Variants in PRKG1 observed in about 807,000 individuals in gnomAD.
PRKG1 encodes cGMP-dependent protein kinase 1.
PRKG1 carries 35 observed loss-of-function variants against 88.1 expected under a neutral mutation model. That is an observed-to-expected ratio of 0.40 (90% CI 0.30 to 0.53). The LOEUF (loss-of-function observed/expected upper bound fraction) is 0.53. Among genes scored for constraint, PRKG1 ranks in the 20% least tolerant of loss-of-function variants. The pLI is 0.59. For synonymous variants in PRKG1, 303 were observed against 292.5 expected, an observed-to-expected ratio of 1.04 and a Z score of -0.37; for missense variants, 540 against 839.8, an observed-to-expected ratio of 0.64 and a Z score of 4.41.
At chr10:51,222,238 C>T (rs990873435) in intron 2 of PRKG1, among the ~76,000 whole-genome samples, 3 of 150,374 alleles carry the variant, frequency 2.0e-5, no homozygotes, top group African/African-American at 7.3e-5. Context: ...AAGAGAGGAA[C>T]TGTTCCTCCC....
At chr10:51,733,907 TA>T (rs1370919449) in intron 3 of PRKG1, among the ~76,000 whole-genome samples, 2 of 152,224 alleles carry the variant, frequency 1.3e-5, no homozygotes, top group Admixed American at 6.5e-5. Context: ...TACCTGAAGT[TA>T]AAAAATATAA....
At chr10:51,346,507 C>A (rs1842117121) in intron 2 of PRKG1, among the ~76,000 whole-genome samples, 1 of 152,036 alleles carries the variant, frequency 6.6e-6, no homozygotes, top group Non-Finnish European at 1.5e-5. Context: ...TGAGGAAATG[C>A]AGCAATGTAA....
chr10:52,095,318 AC>A (rs147578111), intron 7 of PRKG1, among the ~76,000 whole-genome samples: 4,043 of 152,150 alleles, frequency 0.027, 163 homozygotes, highest in African/African-American at 0.093. Flanking sequence ...CTACTCTGAC[AC>A]CTTATTTAAT....
chr10:51,597,409 T>C (rs913827365), intron 3 of PRKG1, among the ~76,000 whole-genome samples: 5 of 152,204 alleles, frequency 3.3e-5, no homozygotes, highest in Admixed American at 1.3e-4. Context: ...CAATAACCCA[T>C]TTATTTAAGA....
At chr10:51,878,934 G>A (rs775324257) in intron 4 of PRKG1, among the ~76,000 whole-genome samples, 3 of 152,106 alleles carry the variant, frequency 2.0e-5, no homozygotes, top group Non-Finnish European at 2.9e-5. Context: ...TCTGCAAATG[G>A]AACTGGCATG....
At chr10:51,514,237 G>C (rs1368449011) in intron 3 of PRKG1, among the ~76,000 whole-genome samples, 1 of 151,654 alleles carries the variant, frequency 6.6e-6, no homozygotes, top group Non-Finnish European at 1.5e-5. Flanking sequence ...AAATAAACTA[G>C]AAAATCTAGA....
chr10:51,379,347 G>A (rs1351786400), intron 2 of PRKG1, among the ~76,000 whole-genome samples: 3 of 152,214 alleles, frequency 2.0e-5, no homozygotes, highest in African/African-American at 7.2e-5. Context: ...ACTTTTAGAT[G>A]TATTATGTAA....
intron 1 of PRKG1, among the ~76,000 whole-genome samples, chr10:51,100,979 G>A (rs1406763914): frequency 6.6e-6 from 1 of 152,110 alleles, no homozygotes; most frequent in Non-Finnish European, 1.5e-5. Flanking sequence ...GAACCAACAT[G>A]AGGATGAAGA....
intron 1 of PRKG1, among the ~76,000 whole-genome samples, chr10:51,067,264 AT>A (rs1843763093): frequency 1.2e-5 from 1 of 80,060 alleles, no homozygotes; most frequent in Admixed American, 1.2e-4. Context: ...GTTTGTATGT[AT>A]GTGTGTATAT....
At chr10:51,991,954 A>G (rs777643543) in intron 5 of PRKG1, among the ~76,000 whole-genome samples, 1 of 152,198 alleles carries the variant, frequency 6.6e-6, no homozygotes, top group Non-Finnish European at 1.5e-5. Context: ...TCAAAATACT[A>G]TTTATGCAAT....
chr10:52,244,208 A>G (rs1433940387), intron 9 of PRKG1, among the ~76,000 whole-genome samples: 1 of 152,028 alleles, frequency 6.6e-6, no homozygotes, highest in African/African-American at 2.4e-5. Context: ...GTTTAAAGAG[A>G]TTTTTTAAAA....
intron 10 of PRKG1, among the ~76,000 whole-genome samples, chr10:52,264,187 C>CAG (rs5784916): frequency 1 from 151,910 of 152,206 alleles, 75,807 homozygotes; most frequent in Middle Eastern, 1. Context: ...TTTCTGGCAA[C>CAG]GGGAATATTG....
chr10:51,970,717 TATATATCAG>T (rs1843689959), intron 5 of PRKG1, among the ~76,000 whole-genome samples: 1 of 126,084 alleles, frequency 7.9e-6, no homozygotes, highest in Admixed American at 7.3e-5. Context: ...ATCTGATATA[TATATATCAG>T]ATATATCAGA....
At chr10:51,837,476 T>A (rs1324713885) in intron 4 of PRKG1, among the ~76,000 whole-genome samples, 1 of 152,170 alleles carries the variant, frequency 6.6e-6, no homozygotes, top group Non-Finnish European at 1.5e-5. Flanking sequence ...TTTAAATTCC[T>A]GCCATAAACC....
chr10:52,269,015 C>T (rs1342471163), intron 10 of PRKG1, among the ~76,000 whole-genome samples: 3 of 151,662 alleles, frequency 2.0e-5, no homozygotes, highest in Admixed American at 6.6e-5. Context: ...AAGTCCAGAC[C>T]TGTGACTATA....
At chr10:52,058,251 G>T (rs924406744) in intron 6 of PRKG1, among the ~76,000 whole-genome samples, 1 of 151,974 alleles carries the variant, frequency 6.6e-6, no homozygotes, top group Non-Finnish European at 1.5e-5. Context: ...TAGCCACATT[G>T]CAATAGCTGC....
At chr10:51,555,312 A>G (rs1267075366) in intron 3 of PRKG1, among the ~76,000 whole-genome samples, 1 of 151,996 alleles carries the variant, frequency 6.6e-6, no homozygotes, top group Non-Finnish European at 1.5e-5. Flanking sequence ...CCTATTTTTA[A>G]AACATTTTTT....
At chr10:51,925,733 C>T (rs1842560327) in intron 5 of PRKG1, among the ~76,000 whole-genome samples, 1 of 152,138 alleles carries the variant, frequency 6.6e-6, no homozygotes, top group South Asian at 2.1e-4. Flanking sequence ...AGGGATAAAA[C>T]TGATGGAAGT....
chr10:51,394,973 C>T (rs1008813108), intron 2 of PRKG1, among the ~76,000 whole-genome samples: 2 of 152,032 alleles, frequency 1.3e-5, no homozygotes, highest in African/African-American at 4.8e-5. Flanking sequence ...GAAATTCATC[C>T]TCACTTTTAT....
Sources: allele counts gnomAD v4.1 joint callset (sites outside exome capture counted in the v4.1 genomes callset), GRCh38; gene constraint gnomAD v4.1.1; transcripts MANE v1.5; gene names NCBI Gene and HGNC (gene_info 2026-07-23, HGNC 2026-07-21).